DPP10: variants seen among roughly 807,000 people sequenced by gnomAD.
DPP10 encodes the protein dipeptidyl peptidase like 10.
Under a neutral mutation model 120.9 loss-of-function variants are expected in DPP10, and 33 were observed. The ratio of observed to expected loss-of-function variants is 0.27; its 90% CI spans 0.21 to 0.37. DPP10 has a LOEUF of 0.37. Among genes scored for constraint, DPP10 ranks in the 10% least tolerant of loss-of-function variants. The probability of loss-of-function intolerance (pLI) is 1.00; values close to 1 mark genes in which losing one functional copy is unlikely to be tolerated. For missense variants in DPP10, 816 were observed against 942.8 expected (o/e 0.87, Z 1.76); for synonymous variants, 337 against 326.1 (o/e 1.03, Z -0.36).
chr2:115,281,204 A>G (rs2060143384), intron 1 of DPP10, among the ~76,000 whole-genome samples: 1 of 152,156 alleles, frequency 6.6e-6, no homozygotes, highest in African/African-American at 2.4e-5. Flanking sequence ...AGGTACCTTA[A>G]TGAGGCAACT....
chr2:115,076,731 A>G (rs1707830394), intron 1 of DPP10, among the ~76,000 whole-genome samples: 1 of 152,190 alleles, frequency 6.6e-6, no homozygotes, highest in African/African-American at 2.4e-5. Flanking sequence ...GTAGCATAAT[A>G]TAGTCTTCCA....
intron 1 of DPP10, among the ~76,000 whole-genome samples, chr2:114,719,245 A>G (rs1417709066): frequency 6.6e-6 from 1 of 152,232 alleles, no homozygotes; most frequent in Non-Finnish European, 1.5e-5. Context: ...AGATTGTTAA[A>G]TCTAGTAAGT....
chr2:115,825,746 T>G (rs1486464902), intron 21 of DPP10, among the ~76,000 whole-genome samples: 1 of 152,228 alleles, frequency 6.6e-6, no homozygotes, highest in Non-Finnish European at 1.5e-5. Context: ...ACTTTTTCTA[T>G]CAACTAATGA....
At chr2:115,603,893 A>T (rs1001630479) in intron 5 of DPP10, among the ~76,000 whole-genome samples, 1 of 152,162 alleles carries the variant, frequency 6.6e-6, no homozygotes, top group African/African-American at 2.4e-5. Flanking sequence ...CTGCAGAGTT[A>T]TCTATGCAAA....
intron 5 of DPP10, among the ~76,000 whole-genome samples, chr2:115,604,349 G>A (rs1030517115): frequency 4.6e-5 from 7 of 152,100 alleles, no homozygotes; most frequent in Non-Finnish European, 8.8e-5. Flanking sequence ...TAGATCTTAA[G>A]CTTTGTTATC....
chr2:114,765,515 C>T (rs947502956), intron 1 of DPP10, among the ~76,000 whole-genome samples: 5 of 152,154 alleles, frequency 3.3e-5, no homozygotes, highest in Admixed American at 1.3e-4. Context: ...GCATATGCTT[C>T]AGGCATTGTG....
rs539080752 is a variant in DPP10 at position 115,765,549 on chromosome 2, A to G, written c.1114-2748A>G. 5.9e-5 allele frequency among the ~76,000 whole-genome samples: 9 copies of G among 152,296 alleles called. No homozygotes were observed. In the South Asian group the frequency reaches 1.7e-3, roughly 28 times the overall value. ...AATATAATAGAGTGCATTGGAAGCC[A>G]TGATAAAGATGAAAACAAGATAGTT... On this transcript the variant is annotated intron_variant, in intron 12 of 25. Transcript: ENST00000410059.
chr2:115,384,121 C>G (rs1346347060), intron 3 of DPP10, among the ~76,000 whole-genome samples: 1 of 152,144 alleles, frequency 6.6e-6, no homozygotes, highest in Admixed American at 6.5e-5. Context: ...TAAAATCTTT[C>G]TCCCATCTCC....
chr2:115,582,216 G>A (rs1349028014), intron 5 of DPP10, among the ~76,000 whole-genome samples: 1 of 152,118 alleles, frequency 6.6e-6, no homozygotes, highest in African/African-American at 2.4e-5. Flanking sequence ...CACGCACAGT[G>A]GCCTGCCAGC....
At chr2:115,051,485 A>T (rs1705478562) in intron 1 of DPP10, among the ~76,000 whole-genome samples, 1 of 152,196 alleles carries the variant, frequency 6.6e-6, no homozygotes, top group South Asian at 2.1e-4. Flanking sequence ...CTTCAGACTG[A>T]AACTAATGGA....
intron 1 of DPP10, among the ~76,000 whole-genome samples, chr2:114,584,903 A>G (rs759055842): frequency 5.9e-5 from 9 of 152,162 alleles, no homozygotes; most frequent in Non-Finnish European, 1.0e-4. Context: ...GAAAGTTTGG[A>G]TCTCAAAGTG....
At chr2:114,611,107 C>T (rs1693252873) in intron 1 of DPP10, among the ~76,000 whole-genome samples, 1 of 152,000 alleles carries the variant, frequency 6.6e-6, no homozygotes, top group Admixed American at 6.6e-5. Context: ...CTCTTGTTCT[C>T]TATTAAATAT....
At chr2:114,616,515 C>T (rs755513113) in intron 1 of DPP10, among the ~76,000 whole-genome samples, 14 of 152,058 alleles carry the variant, frequency 9.2e-5, no homozygotes, top group Non-Finnish European at 7.4e-5. Flanking sequence ...CCAGTCTAAC[C>T]CAGATGATAC....
intron 1 of DPP10, among the ~76,000 whole-genome samples, chr2:114,529,291 G>A (rs1685759040): frequency 6.6e-6 from 1 of 152,062 alleles, no homozygotes; most frequent in African/African-American, 2.4e-5. Flanking sequence ...AAGAACGCTG[G>A]ACAACCCACT....
chr2:115,782,235 T>A (rs1450163949), intron 16 of DPP10, 117 bp from the exon 17 acceptor site: 1 of 784,526 alleles, frequency 1.3e-6, no homozygotes. Context: ...TTCTGTTTTG[T>A]TATGTTTTAA....
intron 1 of DPP10, among the ~76,000 whole-genome samples, chr2:114,556,900 C>A (rs953238724): frequency 6.6e-6 from 1 of 151,794 alleles, no homozygotes; most frequent in Admixed American, 6.6e-5. Flanking sequence ...GATACAGTTA[C>A]CGATTACCTT....
chr2:114,689,865 C>T (rs190366846), intron 1 of DPP10, among the ~76,000 whole-genome samples: 4 of 151,316 alleles, frequency 2.6e-5, no homozygotes, highest in Admixed American at 1.3e-4. Context: ...GTTGGTTGGC[C>T]GCGTGTATGT....
At chr2:114,755,924 T>C (rs1272594358) in intron 1 of DPP10, among the ~76,000 whole-genome samples, 2 of 135,360 alleles carry the variant, frequency 1.5e-5, no homozygotes, top group East Asian at 2.1e-4. Flanking sequence ...GTAGTTAAAA[T>C]AGTCTGAGAC....
At chr2:114,860,562 T>C (rs554715148) in intron 1 of DPP10, among the ~76,000 whole-genome samples, 33 of 152,350 alleles carry the variant, frequency 2.2e-4, no homozygotes, top group African/African-American at 7.2e-4. Context: ...ATATTTGATC[T>C]TAATGTCACA....
Sources: gnomAD v4.1 joint callset for allele counts (sites outside exome capture counted in the v4.1 genomes callset) on GRCh38, gnomAD v4.1.1 for gene constraint, MANE v1.5 for transcripts, NCBI Gene and HGNC (gene_info 2026-07-23, HGNC 2026-07-21) for gene names.